COX7A2: variants seen among roughly 807,000 people sequenced by gnomAD.
The protein encoded by COX7A2 is cytochrome c oxidase subunit 7A2, mitochondrial.
In COX7A2, 11 loss-of-function variants were observed where a neutral mutation model predicts 11.6. The ratio of observed to expected loss-of-function variants is 0.95; its 90% CI spans 0.60 to 1.57. The LOEUF (loss-of-function observed/expected upper bound fraction) is 1.57. COX7A2 is among the 40% of genes most tolerant of loss of function. The pLI is 0.00. For missense variants in COX7A2, 106 were observed against 100.9 expected (o/e 1.05, Z -0.22); for synonymous variants, 30 against 38.2 (o/e 0.78, Z 0.79).
chr6:75,243,856 G>A (rs767160040), upstream of COX7A2: 2 of 1,603,348 alleles, frequency 1.2e-6, no homozygotes, highest in African/African-American at 1.3e-5. Context: ...TTTCCGGGCC[G>A]AAGAGAGGCT....
intron 1 of COX7A2, among the ~76,000 whole-genome samples, chr6:75,242,233 G>A (rs969685355): frequency 1.3e-5 from 2 of 151,820 alleles, no homozygotes; most frequent in African/African-American, 2.4e-5. Context: ...GGCCAGGCGC[G>A]GTGGCTCACG....
intron 3 of COX7A2, among the ~76,000 whole-genome samples, chr6:75,239,318 C>G (rs1238770500): frequency 6.6e-6 from 1 of 152,304 alleles, no homozygotes; most frequent in East Asian, 1.9e-4. Flanking sequence ...GGACACCTAG[C>G]TGGTGTCCAT....
intron 1 of COX7A2, among the ~76,000 whole-genome samples, chr6:75,249,441 T>A (rs1328340640): frequency 6.6e-6 from 1 of 152,228 alleles, no homozygotes; most frequent in Non-Finnish European, 1.5e-5. Context: ...GTCAGACAGA[T>A]CCTGAATCTG....
upstream of COX7A2, among the ~76,000 whole-genome samples, chr6:75,247,742 G>A (rs762876391): frequency 1.3e-5 from 2 of 151,628 alleles, no homozygotes; most frequent in Non-Finnish European, 2.9e-5. Context: ...GGGGAGTCCT[G>A]CCCTACAAAC....
chr6:75,240,555 T>G, intron 2 of COX7A2, 170 bp from the exon 3 acceptor site: 1 of 500,002 alleles, frequency 2.0e-6, no homozygotes, highest in Non-Finnish European at 3.5e-6. Flanking sequence ...CCGTCTCTAC[T>G]ACTACTACTT....
chr6:75,246,523 C>G (rs1771685199), upstream of COX7A2, among the ~76,000 whole-genome samples: 1 of 152,182 alleles, frequency 6.6e-6, no homozygotes, highest in Admixed American at 6.5e-5. Context: ...ATCTTCCACA[C>G]AGCAATGATT....
chr6:75,250,196 A>G (rs1331507905), exon 1 of COX7A2: 3 of 152,236 alleles, frequency 2.0e-5, no homozygotes, highest in Non-Finnish European at 2.9e-5. Context: ...AACTTAGGTT[A>G]ATTCATTATT....
intron 2 of COX7A2, 169 bp downstream of exon 2, chr6:75,241,007 T>C: frequency 1.3e-6 from 1 of 772,044 alleles, no homozygotes; most frequent in Non-Finnish European, 1.9e-6. Flanking sequence ...CCACCAGGTC[T>C]TTCCCCAAGA....
At chr6:75,249,168 C>T (rs955829488) in intron 1 of COX7A2, among the ~76,000 whole-genome samples, 6 of 152,252 alleles carry the variant, frequency 3.9e-5, no homozygotes, top group East Asian at 1.9e-4. Context: ...ACCTGGGAGG[C>T]GGAGGTTGCA....
intron 3 of COX7A2, 127 bp downstream of exon 3, chr6:75,240,174 T>C (rs370234188): frequency 5.7e-5 from 40 of 697,120 alleles, no homozygotes; most frequent in Admixed American, 4.1e-4. Context: ...TTATGAGATA[T>C]AGTAAGATAT....
At chr6:75,242,455 G>A (rs240420) in intron 1 of COX7A2, among the ~76,000 whole-genome samples, 132,534 of 152,044 alleles carry the variant, frequency 0.87, 58,253 homozygotes, top group Non-Finnish European at 0.93. Context: ...GCAGTGAGCC[G>A]AGATTGCACC....
At chr6:75,246,985 T>C (rs1488833314), upstream of COX7A2, among the ~76,000 whole-genome samples, 1 of 152,198 alleles carries the variant, frequency 6.6e-6, no homozygotes, top group Non-Finnish European at 1.5e-5. Flanking sequence ...TCTTTTGTAA[T>C]GTTAGAAAAT....
rs531403377 is a variant in COX7A2 at position 75,243,797 on chromosome 6, G to A, written c.-63C>T. 156 of 1,614,086 alleles carry A rather than the reference G, an allele frequency of 9.7e-5. No homozygotes were observed. The highest frequency in any genetic ancestry group is 1.3e-4 in the Non-Finnish European group (152 of 1,179,980). ...ACCACCAACGAAAATGGCCACGCCG[G>A]AACCGGAACTACCTCCGAGTCTTGC... is the stretch of plus-strand genomic sequence containing the variant. On this transcript the variant is annotated 5_prime_UTR_variant, in exon 1 of 4. Coordinates refer to ENST00000684430, the MANE Select transcript of COX7A2 (RefSeq NM_001366293.2).
At chr6:75,241,446 G>A (rs577033498) in intron 1 of COX7A2, among the ~76,000 whole-genome samples, 181 bp from the exon 2 acceptor site, 4 of 152,202 alleles carry the variant, frequency 2.6e-5, no homozygotes, top group South Asian at 2.1e-4. Context: ...TCTGCTCTTC[G>A]AATTACATTC....
In COX7A2 at chr6:75,243,704, A is replaced by G. The variant is rs1771597472; in HGVS notation, c.18+13T>C. 2 of 1,610,728 alleles carry G rather than the reference A, an allele frequency of 1.2e-6. No individual in the cohort carries two copies. Among genetic ancestry groups the G allele is most frequent in the Non-Finnish European group, 1.7e-6 (2 of 1,177,028 alleles). Reference sequence around the variant, plus strand: ...TCGCCCCCATCATGAATGCAAGATGAGAAGCTCCTCACCAGCAGATTCCGC... The same window carrying G: ...TCGCCCCCATCATGAATGCAAGATGGGAAGCTCCTCACCAGCAGATTCCGC... On this transcript the variant is annotated intron_variant, in intron 1 of 3. Transcript: ENST00000684430.
intron 1 of COX7A2, among the ~76,000 whole-genome samples, chr6:75,243,220 T>A (rs971531175): frequency 1.3e-5 from 2 of 152,186 alleles, no homozygotes; most frequent in African/African-American, 4.8e-5. Flanking sequence ...GAAATAACAC[T>A]GCACTTCAGC....
intron 1 of COX7A2, among the ~76,000 whole-genome samples, chr6:75,249,075 G>T (rs558269749): frequency 6.6e-6 from 1 of 152,262 alleles, no homozygotes; most frequent in East Asian, 1.9e-4. Context: ...GGCCAACATG[G>T]TGAAACCCCA....
chr6:75,245,876 G>A (rs1479104979), upstream of COX7A2, among the ~76,000 whole-genome samples: 1 of 152,070 alleles, frequency 6.6e-6, no homozygotes, highest in African/African-American at 2.4e-5. Context: ...TTAATTTGGA[G>A]GTAAACCATA....
At chr6:75,240,631 G>A (rs1021905595) in intron 2 of COX7A2, 6 of 374,354 alleles carry the variant, frequency 1.6e-5, no homozygotes, top group East Asian at 4.8e-5. Context: ...CATTAATGAC[G>A]GTCTTTCCAA....
Sources: gnomAD v4.1 joint callset for allele counts (sites outside exome capture counted in the v4.1 genomes callset) on GRCh38, gnomAD v4.1.1 for gene constraint, MANE v1.5 for transcripts, NCBI Gene and HGNC (gene_info 2026-07-23, HGNC 2026-07-21) for gene names.